MCCC1: variants seen among roughly 807,000 people sequenced by gnomAD.
MCCC1 encodes the protein methylcrotonoyl-CoA carboxylase subunit alpha, mitochondrial.
In MCCC1, 64 loss-of-function variants were observed where a neutral mutation model predicts 83.8. The ratio of observed to expected loss-of-function variants is 0.76; its 90% CI spans 0.62 to 0.94. The LOEUF (loss-of-function observed/expected upper bound fraction) is 0.94, where lower values mean the gene tolerates loss of function less well. MCCC1 is among the 40% of genes least tolerant of loss of function. The pLI is 0.00. For synonymous variants in MCCC1, 322 were observed against 315.4 expected (o/e 1.02, Z -0.22); for missense variants, 807 against 904.7 (o/e 0.89, Z 1.39).
At chr3:183,050,610 A>C (rs1268105281) in intron 9 of MCCC1, among the ~76,000 whole-genome samples, 1 of 151,140 alleles carries the variant, frequency 6.6e-6, no homozygotes, top group Non-Finnish European at 1.5e-5. Context: ...GGGGGCTGGG[A>C]CAGGAGAATC....
At chr3:183,087,639 C>T (rs917683930) in intron 3 of MCCC1, among the ~76,000 whole-genome samples, 4 of 151,894 alleles carry the variant, frequency 2.6e-5, no homozygotes, top group East Asian at 1.9e-4. Context: ...AAGGCCAAGG[C>T]GGGCGGATCA....
chr3:183,052,579 C>G (rs571091995), intron 8 of MCCC1, among the ~76,000 whole-genome samples: 1 of 152,012 alleles, frequency 6.6e-6, no homozygotes, highest in Non-Finnish European at 1.5e-5. Context: ...GAGGCTGAGG[C>G]GGGCGGATCA....
intron 7 of MCCC1, among the ~76,000 whole-genome samples, chr3:183,062,928 G>A (rs1341938824): frequency 2.6e-5 from 4 of 152,110 alleles, no homozygotes; most frequent in African/African-American, 9.7e-5. Context: ...AGATGCAGTT[G>A]AGTCCTATCA....
At chr3:183,075,546 T>G (rs1005869106) in intron 4 of MCCC1, among the ~76,000 whole-genome samples, 1 of 17,364 alleles carries the variant, frequency 5.8e-5, no homozygotes, top group African/African-American at 2.0e-4. Flanking sequence ...CTTTGCCCAC[T>G]TTTTTTTTTT....
At chr3:183,024,807 A>C (rs999255828) in intron 15 of MCCC1, among the ~76,000 whole-genome samples, 4 of 152,100 alleles carry the variant, frequency 2.6e-5, no homozygotes, top group African/African-American at 9.7e-5. Flanking sequence ...TCCAAAGGAC[A>C]AAAAACAGGG....
chr3:183,019,060 G>A (rs1711927814), intron 17 of MCCC1, among the ~76,000 whole-genome samples: 2 of 152,206 alleles, frequency 1.3e-5, no homozygotes, highest in Non-Finnish European at 2.9e-5. Context: ...GCTAAAGGCA[G>A]ATCCAGGTCT....
intron 4 of MCCC1, among the ~76,000 whole-genome samples, chr3:183,084,357 G>T (rs981132462): frequency 1.3e-5 from 2 of 152,126 alleles, no homozygotes; most frequent in Admixed American, 1.3e-4. Flanking sequence ...TGGCATTTAT[G>T]CTTAAATACA....
intron 13 of MCCC1, among the ~76,000 whole-genome samples, chr3:183,034,831 G>A (rs1022523472): frequency 6.7e-6 from 1 of 150,022 alleles, no homozygotes; most frequent in African/African-American, 2.4e-5. Flanking sequence ...AGGATGGAGT[G>A]CAGTGGCATG....
intron 3 of MCCC1, among the ~76,000 whole-genome samples, chr3:183,089,562 T>C (rs1718164487): frequency 5.9e-5 from 9 of 151,978 alleles, no homozygotes; most frequent in Admixed American, 5.9e-4. Flanking sequence ...TGCAGTGAGC[T>C]GTGACTGTGC....
intron 1 of MCCC1, among the ~76,000 whole-genome samples, chr3:183,107,142 C>A (rs865784442): frequency 6.6e-6 from 1 of 152,052 alleles, no homozygotes; most frequent in African/African-American, 2.4e-5. Flanking sequence ...CAGTGGCTCA[C>A]GCCTGTAATC....
intron 13 of MCCC1, 102 bp from the exon 14 acceptor site, chr3:183,034,179 A>C (rs7629763): frequency 1.2e-6 from 1 of 826,638 alleles, no homozygotes; most frequent in Non-Finnish European, 2.0e-6. Flanking sequence ...GGCCGGGCAC[A>C]GTGGCTCATG....
In MCCC1 at chr3:183,015,484, A is replaced by G. The variant is rs1174556518; in HGVS notation, c.2132T>C (p.Leu711Ser). The change falls in exon 19 of 19, where the codon TTA becomes TCA. Residue 711 changes from leucine (L) to serine (S), a missense_variant. Physicochemically the swap from Leu to Ser is moderately radical, Grantham distance 145. Transcript: ENST00000265594. ...TGATTCTTCCTCCTCAAACTCGACT[A>G]AAGGAGTGTGTCTGTTGGCCTGAGC... ...EGAQANRHTP[L>S]VEFEEEESDK... The G allele has an allele frequency of 1.5e-5, 24 of 1,613,970 alleles. No homozygotes were observed. Among genetic ancestry groups the G allele is most frequent in the Non-Finnish European group, 1.9e-5 (23 of 1,179,984 alleles).
chr3:183,025,422 A>G (rs891193640), intron 15 of MCCC1, among the ~76,000 whole-genome samples: 3 of 152,254 alleles, frequency 2.0e-5, no homozygotes, highest in Non-Finnish European at 4.4e-5. Flanking sequence ...TAAAGAGTGT[A>G]CAGTTCCTGA....
chr3:183,089,527 T>C (rs1718160213), intron 3 of MCCC1, among the ~76,000 whole-genome samples: 1 of 152,008 alleles, frequency 6.6e-6, no homozygotes, highest in Non-Finnish European at 1.5e-5. Flanking sequence ...GGTAGGAGGA[T>C]TGCTTGAGCC....
chr3:183,027,188 A>G (rs537814023), intron 14 of MCCC1, among the ~76,000 whole-genome samples: 1 of 152,292 alleles, frequency 6.6e-6, no homozygotes, highest in South Asian at 2.1e-4. Flanking sequence ...TCCTCAATCA[A>G]TATTGTGTGT....
At chr3:183,109,255 G>T (rs565776149) in intron 1 of MCCC1, among the ~76,000 whole-genome samples, 16 of 152,102 alleles carry the variant, frequency 1.1e-4, no homozygotes, top group Non-Finnish European at 1.9e-4. Context: ...ACCTCCGAAA[G>T]TGCTGGGATT....
At chr3:183,102,761 T>TG (rs1414850145), upstream of MCCC1, among the ~76,000 whole-genome samples, 24 of 27,078 alleles carry the variant, frequency 8.9e-4, no homozygotes, top group Admixed American at 1.6e-3. Context: ...AGAGAAAGTT[T>TG]TTTTTTTTTT....
intron 8 of MCCC1, among the ~76,000 whole-genome samples, chr3:183,056,897 G>A (rs1715460484): frequency 6.6e-6 from 1 of 152,162 alleles, no homozygotes; most frequent in African/African-American, 2.4e-5. Context: ...GTTTCTCCAT[G>A]TGGGTCAGGC....
intron 4 of MCCC1, among the ~76,000 whole-genome samples, chr3:183,080,982 G>C (rs758632569): frequency 6.6e-6 from 1 of 152,172 alleles, no homozygotes; most frequent in African/African-American, 2.4e-5. Flanking sequence ...CCCATAATAC[G>C]TGGGAATTGT....
Sources: allele counts gnomAD v4.1 joint callset (sites outside exome capture counted in the v4.1 genomes callset), GRCh38; gene constraint gnomAD v4.1.1; transcripts MANE v1.5; gene names NCBI Gene and HGNC (gene_info 2026-07-23, HGNC 2026-07-21).